The following WDR59 variants were observed in gnomAD, a reference collection of about 807,000 sequenced individuals.
The protein encoded by WDR59 is GATOR2 complex protein WDR59.
Under a neutral mutation model 131.2 loss-of-function variants are expected in WDR59, and 100 were observed. That is an observed-to-expected ratio of 0.76 (90% CI 0.65 to 0.90). The LOEUF (loss-of-function observed/expected upper bound fraction) is 0.90, where lower values mean the gene tolerates loss of function less well. Among genes scored for constraint, WDR59 ranks in the 40% least tolerant of loss-of-function variants. The probability of loss-of-function intolerance (pLI) is 0.00; values close to 1 mark genes in which losing one functional copy is unlikely to be tolerated. For missense variants in WDR59, 1,203 were observed against 1,262.2 expected (o/e 0.95, Z 0.71); for synonymous variants, 601 against 466.2 (o/e 1.29, Z -3.72).
intron 18 of WDR59, chr16:74,899,698 C>G (rs1323878816): frequency 7.8e-7 from 1 of 1,289,074 alleles, no homozygotes; most frequent in African/African-American, 1.5e-5. Flanking sequence ...CGCACAGTAC[C>G]GGGAAGTCGT....
chr16:74,886,445 GA>G (rs761765427), intron 23 of WDR59, 49 bp from the exon 24 acceptor site: 1 of 1,600,060 alleles, frequency 6.2e-7, no homozygotes. Context: ...AGAAGGCATG[GA>G]AAATATCTGA....
At chr16:74,885,050 T>G (rs1964688093) in intron 25 of WDR59, among the ~76,000 whole-genome samples, 1 of 152,260 alleles carries the variant, frequency 6.6e-6, no homozygotes, top group African/African-American at 2.4e-5. Flanking sequence ...AAGGAATGTG[T>G]GGGCACTGTG....
At chr16:74,926,570 A>G (rs1241747846) in intron 8 of WDR59, among the ~76,000 whole-genome samples, 4 of 152,172 alleles carry the variant, frequency 2.6e-5, no homozygotes, top group Admixed American at 6.6e-5. Flanking sequence ...GATGATCCAC[A>G]CGTGTACTCT....
intron 18 of WDR59, among the ~76,000 whole-genome samples, chr16:74,894,756 G>A (rs1326762721): frequency 1.3e-5 from 2 of 152,094 alleles, no homozygotes; most frequent in Non-Finnish European, 2.9e-5. Flanking sequence ...CAGGACCCTC[G>A]GCAAGTTTTT....
chr16:74,907,778 G>C (rs922503481), intron 17 of WDR59, among the ~76,000 whole-genome samples: 2 of 152,158 alleles, frequency 1.3e-5, no homozygotes, highest in African/African-American at 4.8e-5. Flanking sequence ...AGGAAACATG[G>C]AGCACTTCCA....
chr16:74,908,786 A>C (rs990890727), intron 17 of WDR59, 122 bp downstream of exon 17: 92 of 669,166 alleles, frequency 1.4e-4, no homozygotes, highest in Non-Finnish European at 2.0e-4. Flanking sequence ...TAAATCTTAT[A>C]ATGGGAGTTT....
rs1020401683 is a variant in WDR59 at position 74,872,355 on chromosome 16, A to T, written c.*1854T>A. The T allele has an allele frequency of 6.6e-6, 1 of 152,160 alleles. No individual in the cohort carries two copies. The highest frequency in any genetic ancestry group is 2.4e-5 in the African/African-American group (1 of 41,438). 9.4% of individuals were successfully genotyped at this position (152,160 alleles called of 1,614,324 possible). A position where few individuals can be genotyped will look rare whatever the true frequency, so the allele number is the denominator to read the frequency against. ...ATAGATATTTCAGTAGAAATAATAA[A>T]AAAGATTTCTTTTCACTGGCACATA... On this transcript the variant is annotated 3_prime_UTR_variant, in exon 26 of 26. Transcript: ENST00000262144.
chr16:74,949,572 C>T (rs1039665804), intron 5 of WDR59, 146 bp downstream of exon 5: 3 of 659,466 alleles, frequency 4.5e-6, no homozygotes, highest in Middle Eastern at 9.2e-4. Context: ...CTTTCACTCT[C>T]AAATAATATA....
chr16:74,984,396 A>G (rs1227054106), intron 1 of WDR59, among the ~76,000 whole-genome samples: 1 of 152,200 alleles, frequency 6.6e-6, no homozygotes, highest in Non-Finnish European at 1.5e-5. Flanking sequence ...CGGAGTGATG[A>G]CAGGGTAGGG....
At chr16:74,880,204 T>C (rs923061152) in intron 25 of WDR59, among the ~76,000 whole-genome samples, 3 of 151,974 alleles carry the variant, frequency 2.0e-5, no homozygotes, top group African/African-American at 7.3e-5. Context: ...TCCCAGCACT[T>C]TGGGAGGCCG....
At chr16:74,911,356 G>T (rs1336847034) in intron 14 of WDR59, among the ~76,000 whole-genome samples, 1 of 152,056 alleles carries the variant, frequency 6.6e-6, no homozygotes, top group Admixed American at 6.6e-5. Context: ...AAATTTCCTG[G>T]TTCCATGTGA....
intron 13 of WDR59, among the ~76,000 whole-genome samples, chr16:74,914,240 C>T (rs924687073): frequency 6.6e-6 from 1 of 151,988 alleles, no homozygotes; most frequent in Non-Finnish European, 1.5e-5. Flanking sequence ...GAACTTTATA[C>T]TGTGTGAATT....
chr16:74,982,842 C>T (rs1412299688), intron 1 of WDR59, among the ~76,000 whole-genome samples: 1 of 152,152 alleles, frequency 6.6e-6, no homozygotes, highest in African/African-American at 2.4e-5. Flanking sequence ...AGCTCCTCCA[C>T]TCACTCATTC....
chr16:74,985,086 C>A lies in WDR59; in HGVS notation c.-69G>T. On this transcript the variant is annotated 5_prime_UTR_variant, in exon 1 of 26. Coordinates refer to ENST00000262144, the MANE Select transcript of WDR59 (RefSeq NM_030581.4). Reference sequence around the variant, plus strand: ...CCCCGCCGTCCCCAGTATCCCGGGACCGTGCGCCCCACACAGCCAGAGAAT... The same window carrying A: ...CCCCGCCGTCCCCAGTATCCCGGGAACGTGCGCCCCACACAGCCAGAGAAT... 1 of 1,449,382 alleles carries A rather than the reference C, an allele frequency of 6.9e-7. No homozygotes were observed. The highest frequency in any genetic ancestry group is 9.5e-7 in the Non-Finnish European group (1 of 1,056,374). 89.8% of individuals were successfully genotyped at this position (1,449,382 alleles called of 1,614,324 possible).
rs555958064 is a variant in WDR59 at position 74,900,955 on chromosome 16, C to T, written c.1866+2992G>A. ...CCAACATGGTGAAACCATGATTAGCCGGGCATGGTGTTGGGCACCTGTAAT... is the reference window on the plus strand; with the variant it reads ...CCAACATGGTGAAACCATGATTAGCTGGGCATGGTGTTGGGCACCTGTAAT... On this transcript the variant is annotated intron_variant, in intron 18 of 25. Coordinates refer to ENST00000262144, the MANE Select transcript of WDR59 (RefSeq NM_030581.4). 1.1e-4 allele frequency among the ~76,000 whole-genome samples: 17 copies of T among 152,290 alleles called. No homozygotes were observed. In the East Asian group the frequency reaches 2.9e-3, roughly 26 times the overall value.
chr16:74,949,456 AGGAGAGAGGGAGGGAG>A (rs1310399577), intron 5 of WDR59, among the ~76,000 whole-genome samples: 2 of 141,720 alleles, frequency 1.4e-5, no homozygotes, highest in African/African-American at 5.2e-5. Context: ...GAGGGAGGGA[AGGAGAGAGGGAGGGAG>A]GGAGGACAGA....
chr16:74,963,570 T>C (rs1170418089), intron 2 of WDR59, among the ~76,000 whole-genome samples: 1 of 149,186 alleles, frequency 6.7e-6, no homozygotes, highest in East Asian at 1.9e-4. Flanking sequence ...AGAGGAACAA[T>C]GTACACTGGG....
At chr16:74,914,053 C>T (rs780483818) in intron 13 of WDR59, among the ~76,000 whole-genome samples, 29 of 152,080 alleles carry the variant, frequency 1.9e-4, no homozygotes, top group African/African-American at 3.6e-4. Context: ...ACTAAAAATA[C>T]GAAAAAAAAT....
intron 1 of WDR59, among the ~76,000 whole-genome samples, chr16:74,971,116 T>C (rs1240386695): frequency 2.0e-5 from 3 of 152,112 alleles, no homozygotes; most frequent in Non-Finnish European, 4.4e-5. Flanking sequence ...CAGCTCACAA[T>C]GTGCCAAGGT....
Sources: gnomAD v4.1 joint callset for allele counts (sites outside exome capture counted in the v4.1 genomes callset) on GRCh38, gnomAD v4.1.1 for gene constraint, MANE v1.5 for transcripts, NCBI Gene and HGNC (gene_info 2026-07-23, HGNC 2026-07-21) for gene names.